Variants in EIF4H observed in about 807,000 individuals in gnomAD.
EIF4H encodes the protein eukaryotic translation initiation factor 4H, also known as Williams-Beuren syndrome chromosome region 1.
Under a neutral mutation model 30.6 loss-of-function variants are expected in EIF4H, and 8 were observed. The observed-to-expected ratio is 0.26, with a 90% CI of 0.15 to 0.47. The LOEUF (loss-of-function observed/expected upper bound fraction) is 0.47. EIF4H is among the 20% of genes least tolerant of loss of function. The pLI is 0.99. For missense variants in EIF4H, 188 were observed against 339.5 expected (o/e 0.55, Z 3.51); for synonymous variants, 106 against 122.7 (o/e 0.86, Z 0.90).
intron 1 of EIF4H, among the ~76,000 whole-genome samples, chr7:74,185,841 A>G (rs1554709101): frequency 6.6e-6 from 1 of 151,144 alleles, no homozygotes. Flanking sequence ...TCCCGTTTAG[A>G]AAAAAAAACT....
rs781997743 is a variant in EIF4H, at chr7:74,190,228, C to CT, written c.410-13dup. On this transcript the variant is annotated intron_variant, in intron 4 of 6. Transcript: ENST00000265753. Reference sequence around the variant, plus strand: ...GGTAATGACACGACCTCAACTTTATCTTTTTTGTGTATCCTCAGGAATGGG... The same window carrying CT: ...GGTAATGACACGACCTCAACTTTATCTTTTTTTGTGTATCCTCAGGAATGGG... 1.7e-5 allele frequency: 28 copies of CT among 1,612,680 alleles called. No individual in the cohort carries two copies. The Middle Eastern group carries it at 9.9e-4, about 57-fold the overall frequency.
chr7:74,175,786 A>T (rs1800826530), intron 1 of EIF4H, among the ~76,000 whole-genome samples: 1 of 151,674 alleles, frequency 6.6e-6, no homozygotes, highest in African/African-American at 2.4e-5. Context: ...AATTCTTCTT[A>T]AACAGCGTGG....
At chr7:74,182,428 T>C (rs573502147) in intron 1 of EIF4H, among the ~76,000 whole-genome samples, 2 of 152,330 alleles carry the variant, frequency 1.3e-5, no homozygotes, top group East Asian at 1.9e-4. Flanking sequence ...TGAGCTCAAG[T>C]GATCTCCCCA....
chr7:74,190,881 T>A (rs1204862861), intron 5 of EIF4H, among the ~76,000 whole-genome samples: 3 of 152,254 alleles, frequency 2.0e-5, no homozygotes, highest in Non-Finnish European at 4.4e-5. Context: ...TTTTATCATC[T>A]TTACTTTCTG....
chr7:74,176,811 A>G (rs1800852340), intron 1 of EIF4H, among the ~76,000 whole-genome samples: 1 of 152,254 alleles, frequency 6.6e-6, no homozygotes, highest in Non-Finnish European at 1.5e-5. Context: ...CAAGCAAATC[A>G]AAACAAAATT....
At chr7:74,176,776 G>T (rs1554707741) in intron 1 of EIF4H, among the ~76,000 whole-genome samples, 1 of 152,242 alleles carries the variant, frequency 6.6e-6, no homozygotes, top group African/African-American at 2.4e-5. Context: ...CAGCCAGGGA[G>T]AGAACCAGGG....
At chr7:74,189,262 AAGTT>A (rs1214044261) in intron 2 of EIF4H, among the ~76,000 whole-genome samples, 1 of 152,168 alleles carries the variant, frequency 6.6e-6, no homozygotes, top group East Asian at 1.9e-4. Flanking sequence ...CCTGAGTAGT[AAGTT>A]AAATCGGCAC....
chr7:74,196,526 C>T lies in EIF4H; in HGVS notation c.*1218C>T, dbSNP rs1554710796. On this transcript the variant is annotated 3_prime_UTR_variant, in exon 7 of 7. Transcript: ENST00000265753. ...TTATGTGGGAGTGCTAGGGGTTAGG[C>T]TTTTGAGCTTGAACGCCTGCGTGTG... is the stretch of plus-strand genomic sequence containing the variant. 1 of 152,210 alleles carries T rather than the reference C, an allele frequency of 6.6e-6. No individual in the cohort carries two copies. Among genetic ancestry groups the T allele is most frequent in the Non-Finnish European group, 1.5e-5 (1 of 68,058 alleles). 9.4% of individuals were successfully genotyped at this position (152,210 alleles called of 1,614,324 possible).
chr7:74,178,809 G>A (rs1436488855), intron 1 of EIF4H, among the ~76,000 whole-genome samples: 6 of 152,144 alleles, frequency 3.9e-5, no homozygotes, highest in Admixed American at 6.5e-5. Flanking sequence ...CTGTATGTAC[G>A]TCTAAGACTT....
At chr7:74,191,082 G>A (rs1486823775) in intron 5 of EIF4H, 2 of 471,204 alleles carry the variant, frequency 4.2e-6, no homozygotes, top group African/African-American at 2.0e-5. Flanking sequence ...AAAGTAGTGG[G>A]TGAGTATGGG....
At chr7:74,191,607 A>AT (rs1431672164) in intron 5 of EIF4H, among the ~76,000 whole-genome samples, 4 of 151,836 alleles carry the variant, frequency 2.6e-5, no homozygotes, top group African/African-American at 7.3e-5. Context: ...GGATGGTGCT[A>AT]TTTTTTTTAA....
At chr7:74,174,882 CT>C (rs1220971166) in intron 1 of EIF4H, among the ~76,000 whole-genome samples, 1 of 152,254 alleles carries the variant, frequency 6.6e-6, no homozygotes, top group African/African-American at 2.4e-5. Context: ...TTGCAGGCCC[CT>C]GGCCCCTTCG....
chr7:74,188,484 A>C (rs1027682934), intron 2 of EIF4H, among the ~76,000 whole-genome samples: 2 of 152,142 alleles, frequency 1.3e-5, no homozygotes, highest in Non-Finnish European at 2.9e-5. Flanking sequence ...AGTATGGGGT[A>C]ACTTGGGGCG....
intron 5 of EIF4H, among the ~76,000 whole-genome samples, chr7:74,191,759 T>C (rs1310052974): frequency 1.3e-5 from 2 of 152,176 alleles, no homozygotes; most frequent in East Asian, 3.9e-4. Flanking sequence ...GTTTGCTTCC[T>C]AGAAACCCAC....
rs1297031468 is a variant in EIF4H, at chr7:74,192,668, C to CTTTTTTTTTTTTTTT, written c.470-2061_470-2060insTTTTTTTTTTTTTTT. On this transcript the variant is annotated intron_variant, in intron 5 of 6. Transcript: ENST00000265753. ...TCATACCTAACATTGCTTTATGTGA[C>CTTTTTTTTTTTTTTT]TTTTTTTTTTTTCTTTTTTTTTTTT... Among the ~76,000 whole-genome samples, 2 of 93,186 alleles carry CTTTTTTTTTTTTTTT rather than the reference C, an allele frequency of 2.1e-5. 1 individual carries two copies. The allele number at this position is 93,186 out of a possible 152,430, so 61.1% of individuals were successfully genotyped here.
At chr7:74,182,382 G>A (rs1800981722) in intron 1 of EIF4H, among the ~76,000 whole-genome samples, 1 of 152,142 alleles carries the variant, frequency 6.6e-6, no homozygotes, top group Admixed American at 6.5e-5. Flanking sequence ...GTAGATATGG[G>A]GTTTTGCCGT....
At chr7:74,174,489 G>C in intron 1 of EIF4H, 47 bp downstream of exon 1, 1 of 1,329,108 alleles carries the variant, frequency 7.5e-7, no homozygotes, top group Non-Finnish European at 9.7e-7. Context: ...GGGACCGGCG[G>C]AGTCGGGGCC....
Position 74,189,831 on chromosome 7 carries a change from G to A in EIF4H, c.322G>A (p.Asp108Asn), listed in dbSNP as rs1554709647. The A allele has an allele frequency of 4.3e-6, 7 of 1,614,108 alleles. No individual in the cohort carries two copies. The highest frequency in any genetic ancestry group is 5.9e-6 in the Non-Finnish European group (7 of 1,180,008). The change falls in exon 4 of 7, where the codon GAT becomes AAT. Residue 108 changes from aspartate to asparagine, a missense_variant. By Grantham distance (23) the Asp-to-Asn change is conservative. Transcript: ENST00000265753. ...TTCCCTTTATCATTAGCTGTTGGGC[G>A]ATCGGTCACTTCGTGTGGACATTGC... Reference protein sequence around the residue: ...ALTYDGALLGDRSLRVDIAEG... With the variant: ...ALTYDGALLGNRSLRVDIAEG...
At chr7:74,179,646 A>C (rs78703841) in intron 1 of EIF4H, among the ~76,000 whole-genome samples, 7 of 150,170 alleles carry the variant, frequency 4.7e-5, no homozygotes, top group Admixed American at 6.7e-5. Context: ...AAAAAAAAAA[A>C]AAGTCACTTT....
Sources: gnomAD v4.1 joint callset for allele counts (sites outside exome capture counted in the v4.1 genomes callset) on GRCh38, gnomAD v4.1.1 for gene constraint, MANE v1.5 for transcripts, NCBI Gene and HGNC (gene_info 2026-07-23, HGNC 2026-07-21) for gene names.